VANGL2: variants seen among roughly 807,000 people sequenced by gnomAD.
The protein encoded by VANGL2 is VANGL planar cell polarity protein 2.
In VANGL2, 14 loss-of-function variants were observed where a neutral mutation model predicts 50.2. The observed-to-expected ratio is 0.28, with a 90% confidence interval of 0.18 to 0.44. VANGL2 has a LOEUF of 0.44. VANGL2 is among the 20% of genes least tolerant of loss of function. The probability of loss-of-function intolerance (pLI) is 1.00; values close to 1 mark genes in which losing one functional copy is unlikely to be tolerated. For missense variants in VANGL2, 533 were observed against 701.5 expected (o/e 0.76, Z 2.71); for synonymous variants, 295 against 297.2 (o/e 0.99, Z 0.08).
At chr1:160,410,832 G>A (rs917744338) in intron 1 of VANGL2, among the ~76,000 whole-genome samples, 1 of 152,008 alleles carries the variant, frequency 6.6e-6, no homozygotes. Flanking sequence ...AGCTGGGGCC[G>A]CCAGAGGAGA....
chr1:160,416,483 T>C (rs1229397470), intron 3 of VANGL2, among the ~76,000 whole-genome samples: 1 of 152,124 alleles, frequency 6.6e-6, no homozygotes. Context: ...CGCCAGCCAG[T>C]CAGGCCCGCT....
In VANGL2 at chr1:160,421,452, A is replaced by G. The variant is rs1651271420; in HGVS notation, c.1073+265A>G. On this transcript the variant is annotated intron_variant, in intron 6 of 7. Coordinates refer to ENST00000368061, the MANE Select transcript of VANGL2 (RefSeq NM_020335.3). ...GGCCTCACAGGCTGAAATCAAGAGG[A>G]CTCTCATCTGAGCCTATGCTTTCTC... is the stretch of plus-strand genomic sequence containing the variant. Among the ~76,000 whole-genome samples the G allele has an allele frequency of 2.6e-5, 4 of 151,786 alleles. No individual in the cohort carries two copies. In the South Asian group the frequency reaches 8.3e-4, roughly 32 times the overall value.
At chr1:160,421,238 G>T in intron 6 of VANGL2, 51 bp downstream of exon 6, 2 of 1,607,538 alleles carry the variant, frequency 1.2e-6, no homozygotes, top group Non-Finnish European at 8.5e-7. Context: ...GGTGAATGGG[G>T]AGAGGAAGAC....
intron 1 of VANGL2, among the ~76,000 whole-genome samples, chr1:160,409,562 A>G (rs1481382887): frequency 6.6e-5 from 10 of 152,048 alleles, no homozygotes; most frequent in East Asian, 1.9e-4. Context: ...TGCATTTTCA[A>G]CCCACACCCA....
intron 1 of VANGL2, among the ~76,000 whole-genome samples, chr1:160,411,373 T>G (rs1381732794): frequency 1.3e-5 from 2 of 151,860 alleles, no homozygotes; most frequent in African/African-American, 4.8e-5. Context: ...TTTCCACTTG[T>G]TGATCTCATC....
rs754932024 is a variant in VANGL2 at position 160,424,091 on chromosome 1, G to A, written c.1113G>A (p.Lys371=). The A allele has an allele frequency of 1.9e-6, 3 of 1,614,056 alleles. No homozygotes were observed. Among genetic ancestry groups the A allele is most frequent in the Non-Finnish European group, 2.5e-6 (3 of 1,179,912 alleles). ...VAVEEAFTHI[K]RLQEEEQKNP... is the part of the protein sequence containing the mutation. ...TGGAGGAGGCCTTCACTCACATTAA[G>A]CGGCTGCAGGAAGAGGAGCAGAAAA... The change falls in exon 7 of 8, where the codon AAG becomes AAA. Residue 371 remains lysine (K), a synonymous_variant. Coordinates refer to ENST00000368061, the MANE Select transcript of VANGL2 (RefSeq NM_020335.3).
At chr1:160,413,392 G>A (rs1220438674) in intron 1 of VANGL2, among the ~76,000 whole-genome samples, 1 of 151,274 alleles carries the variant, frequency 6.6e-6, no homozygotes, top group Non-Finnish European at 1.5e-5. Flanking sequence ...GCAGTTCTCT[G>A]CCTCAGCCTC....
At position 160,421,033 on chromosome 1, in the gene VANGL2, C is replaced by T. The variant is rs374819653; in HGVS notation, c.938-19C>T. Reference sequence around the variant, plus strand: ...CCACACTCTGATGTGACCATCTCCTCTATCCTGTTCCTGTGCAGAAAACAG... The same window carrying T: ...CCACACTCTGATGTGACCATCTCCTTTATCCTGTTCCTGTGCAGAAAACAG... On this transcript the variant is annotated intron_variant, in intron 5 of 7. Coordinates refer to ENST00000368061, the MANE Select transcript of VANGL2 (RefSeq NM_020335.3). The T allele has an allele frequency of 7.4e-6, 12 of 1,613,948 alleles. No homozygotes were observed. The African/African-American group carries it at 1.5e-4, about 20-fold the overall frequency.
At chr1:160,413,461 A>G (rs374960838) in intron 1 of VANGL2, among the ~76,000 whole-genome samples, 2 of 151,840 alleles carry the variant, frequency 1.3e-5, no homozygotes, top group African/African-American at 4.8e-5. Context: ...ACGGGGTTTC[A>G]TCATCTTGGC....
intron 6 of VANGL2, 64 bp downstream of exon 6, chr1:160,421,251 A>G (rs776033532): frequency 1.1e-4 from 177 of 1,597,404 alleles, no homozygotes; most frequent in Non-Finnish European, 1.3e-4. Context: ...AGGAAGACCA[A>G]GGAACTTCTG....
At chr1:160,415,252 T>C (rs1651014171) in intron 1 of VANGL2, among the ~76,000 whole-genome samples, 1 of 152,144 alleles carries the variant, frequency 6.6e-6, no homozygotes, top group Admixed American at 6.5e-5. Context: ...TCCTTTCTGC[T>C]CTCTGAGGTG....
intron 1 of VANGL2, among the ~76,000 whole-genome samples, chr1:160,404,547 A>T (rs751305177): frequency 1.3e-5 from 2 of 152,182 alleles, no homozygotes; most frequent in Admixed American, 1.3e-4. Context: ...ACCCATACCC[A>T]TTACACAATT....
chr1:160,420,680 TTTCCC>T, intron 5 of VANGL2, 133 bp downstream of exon 5: 1 of 1,390,966 alleles, frequency 7.2e-7, no homozygotes, highest in Non-Finnish European at 1.0e-6. Context: ...TATTCAGTCA[TTTCCC>T]TTGACTCCAG....
In VANGL2 at chr1:160,427,583, T is replaced by TTATTAC. The variant is rs1651504615; in HGVS notation, c.*2207_*2208insTTACTA. 6.6e-6 allele frequency: 1 copy of TTATTAC among 150,576 alleles called. No homozygotes were observed. Among genetic ancestry groups the TTATTAC allele is most frequent in the Non-Finnish European group, 1.5e-5 (1 of 67,628 alleles). The allele number at this position is 150,576 out of a possible 1,614,324, so 9.3% of individuals were successfully genotyped here. Reference sequence around the variant, plus strand: ...ATTATTATTATTATTATTATTATTATTACTATTGTTTTTTAAAATGTCAGG... The same window carrying TTATTAC: ...ATTATTATTATTATTATTATTATTATTATTACTACTATTGTTTTTTAAAATGTCAGG... On this transcript the variant is annotated 3_prime_UTR_variant, in exon 8 of 8. Coordinates refer to ENST00000368061, the MANE Select transcript of VANGL2 (RefSeq NM_020335.3).
At chr1:160,407,243 G>A (rs1650708052) in intron 1 of VANGL2, among the ~76,000 whole-genome samples, 1 of 152,138 alleles carries the variant, frequency 6.6e-6, no homozygotes, top group African/African-American at 2.4e-5. Flanking sequence ...GGGTGGTCGC[G>A]ATGGTGGAGG....
At chr1:160,407,126 C>T (rs1458650492) in intron 1 of VANGL2, among the ~76,000 whole-genome samples, 2 of 152,158 alleles carry the variant, frequency 1.3e-5, no homozygotes, top group African/African-American at 4.8e-5. Flanking sequence ...AGACTGTGAA[C>T]AAAAACATGC....
rs778018773 is a variant in VANGL2 at position 160,421,054 on chromosome 1, A to C, written c.940A>C (p.Asn314His). 6.2e-7 allele frequency: 1 copy of C among 1,614,116 alleles called. No homozygotes were observed. Among genetic ancestry groups the C allele is most frequent in the East Asian group, 2.2e-5 (1 of 44,888 alleles). Reference protein sequence around the residue: ...GFKVYSLGEENSTNNSTGQSR... With the variant: ...GFKVYSLGEEHSTNNSTGQSR... ...TCCTCTATCCTGTTCCTGTGCAGAA[A>C]ACAGCACCAACAACTCCACTGGCCA... is the stretch of plus-strand genomic sequence containing the variant. The change falls in exon 6 of 8, where the codon AAC (asparagine) becomes CAC (histidine). Residue 314 changes from asparagine (N) to histidine (H), a missense_variant and splice_region_variant. Asn to His is a moderately conservative substitution (Grantham distance 68). Transcript: ENST00000368061.
chr1:160,427,135 A>G lies in VANGL2; in HGVS notation c.*1757A>G. 6.5e-6 allele frequency: 1 copy of G among 152,722 alleles called. No homozygotes were observed. The highest frequency in any genetic ancestry group is 1.5e-5 in the Non-Finnish European group (1 of 68,096). 9.5% of individuals were successfully genotyped at this position (152,722 alleles called of 1,614,324 possible). On this transcript the variant is annotated 3_prime_UTR_variant, in exon 8 of 8. Transcript: ENST00000368061. ...CTCTGGCTGGGGCCAGGGTTATGAGATAGGCCTGTATGAAATATGTCCTGT... is the reference window on the plus strand; with the variant it reads ...CTCTGGCTGGGGCCAGGGTTATGAGGTAGGCCTGTATGAAATATGTCCTGT...
chr1:160,412,804 T>C (rs555059552), intron 1 of VANGL2, among the ~76,000 whole-genome samples: 100 of 152,224 alleles, frequency 6.6e-4, no homozygotes, highest in Admixed American at 6.5e-4. Context: ...CAGAGAGGCA[T>C]ACAGTCATGG....
Sources: gnomAD v4.1 joint callset for allele counts (sites outside exome capture counted in the v4.1 genomes callset) on GRCh38, gnomAD v4.1.1 for gene constraint, MANE v1.5 for transcripts, NCBI Gene and HGNC (gene_info 2026-07-23, HGNC 2026-07-21) for gene names.